Variants in ARAP2 observed in about 807,000 individuals in gnomAD.
ARAP2 encodes the protein arf-GAP with Rho-GAP domain, ANK repeat and PH domain-containing protein 2.
ARAP2 carries 148 observed loss-of-function variants against 194.5 expected under a neutral mutation model. That is an observed-to-expected ratio of 0.76 (90% CI 0.67 to 0.87). ARAP2 has a LOEUF of 0.87. Among genes scored for constraint, ARAP2 ranks in the 40% least tolerant of loss-of-function variants. The probability of loss-of-function intolerance (pLI) is 0.00; values close to 1 mark genes in which losing one functional copy is unlikely to be tolerated. For synonymous variants in ARAP2, 695 were observed against 683.5 expected (o/e 1.02, Z -0.26); for missense variants, 2,128 against 1,989.7 (o/e 1.07, Z -1.32).
At chr4:36,065,898 T>C (rs1203752414), downstream of ARAP2, 1 of 152,234 alleles carries the variant, frequency 6.6e-6, no homozygotes, top group Non-Finnish European at 1.5e-5. Flanking sequence ...CAGTTTGAAG[T>C]ATATATTAAA....
intron 2 of ARAP2, among the ~76,000 whole-genome samples, chr4:36,217,834 A>G (rs1748303495): frequency 6.6e-6 from 1 of 151,376 alleles, no homozygotes; most frequent in Non-Finnish European, 1.5e-5. Flanking sequence ...ATACTAGATA[A>G]TACTAGATAT....
At chr4:36,205,290 A>G (rs79756304) in intron 6 of ARAP2, among the ~76,000 whole-genome samples, 48,438 of 151,966 alleles carry the variant, frequency 0.32, 9,063 homozygotes, top group East Asian at 0.6. Flanking sequence ...AATCCCTAAC[A>G]CTGAAAAGTT....
At position 36,229,654 on chromosome 4, in the gene ARAP2, A is replaced by C; in HGVS notation, c.-159-9T>G. The C allele has an allele frequency of 2.1e-6, 1 of 465,890 alleles. No homozygotes were observed. Among genetic ancestry groups the C allele is most frequent in the Admixed American group, 3.7e-5 (1 of 26,834 alleles). 28.9% of individuals were successfully genotyped at this position (465,890 alleles called of 1,614,324 possible). A position where few individuals can be genotyped will look rare whatever the true frequency, so the allele number is the denominator to read the frequency against. The stretch of plus-strand genomic sequence containing the variant: ...GCTTTACCTGCTTAAGCCTAGAAAA[A>C]AATAAAAAATGATTCATTAGGCTAT... On this transcript the variant is annotated splice_polypyrimidine_tract_variant and intron_variant, in intron 1 of 32. Coordinates refer to ENST00000303965, the MANE Select transcript of ARAP2 (RefSeq NM_015230.4).
chr4:36,196,815 CTCTCT>C (rs774249363), intron 6 of ARAP2, among the ~76,000 whole-genome samples: 61 of 151,970 alleles, frequency 4.0e-4, no homozygotes, highest in Admixed American at 1.7e-3. Flanking sequence ...GCCGCACTGC[CTCTCT>C]TCTCCAGACT....
At chr4:36,116,242 A>G (rs1721277706) in intron 25 of ARAP2, among the ~76,000 whole-genome samples, 1 of 151,920 alleles carries the variant, frequency 6.6e-6, no homozygotes, top group African/African-American at 2.4e-5. Context: ...ACAAAACTTA[A>G]AATCAATATA....
At chr4:36,242,164 C>T (rs998402525) in intron 1 of ARAP2, among the ~76,000 whole-genome samples, 3 of 152,166 alleles carry the variant, frequency 2.0e-5, no homozygotes, top group Admixed American at 6.5e-5. Context: ...GACAGCGTCT[C>T]ATAGCCTCTA....
intron 17 of ARAP2, among the ~76,000 whole-genome samples, chr4:36,148,025 T>C (rs1316366974): frequency 3.3e-5 from 5 of 152,200 alleles, no homozygotes; most frequent in African/African-American, 1.2e-4. Flanking sequence ...CTTTTCAAAA[T>C]GTCAACCTTC....
At chr4:36,024,524 C>T (rs1018612911) in intron 5 of ARAP2, among the ~76,000 whole-genome samples, 5 of 152,038 alleles carry the variant, frequency 3.3e-5, no homozygotes, top group Non-Finnish European at 7.4e-5. Flanking sequence ...AATAATACAA[C>T]CAAAGATGTT....
chr4:36,180,075 C>G (rs1487675514), intron 8 of ARAP2, among the ~76,000 whole-genome samples: 1 of 152,108 alleles, frequency 6.6e-6, no homozygotes, highest in Non-Finnish European at 1.5e-5. Flanking sequence ...GAGCTCAAGA[C>G]CAGCCTGGCC....
intron 19 of ARAP2, among the ~76,000 whole-genome samples, chr4:36,140,706 G>C (rs1028789938): frequency 2.0e-5 from 3 of 151,616 alleles, no homozygotes; most frequent in African/African-American, 7.3e-5. Flanking sequence ...ACTAAACTTA[G>C]GGTGCTAATC....
At chr4:36,080,650 T>A (rs1372304880) in intron 30 of ARAP2, among the ~76,000 whole-genome samples, 1 of 152,134 alleles carries the variant, frequency 6.6e-6, no homozygotes, top group East Asian at 1.9e-4. Context: ...TATGTGCACA[T>A]CCTCATAAGA....
intron 8 of ARAP2, among the ~76,000 whole-genome samples, chr4:36,013,297 C>T (rs191751458): frequency 3.5e-4 from 54 of 152,172 alleles, no homozygotes; most frequent in Admixed American, 3.9e-4. Flanking sequence ...AACTAAATGA[C>T]GTAATACCCT....
At chr4:36,158,990 C>G in intron 14 of ARAP2, 126 bp from the exon 15 acceptor site, 2 of 893,682 alleles carry the variant, frequency 2.2e-6, no homozygotes, top group Non-Finnish European at 3.2e-6. Context: ...AGAATAATTA[C>G]AGAGATACTT....
At chr4:36,148,266 T>A (rs538291936) in intron 17 of ARAP2, 139 bp downstream of exon 17, 4 of 600,350 alleles carry the variant, frequency 6.7e-6, no homozygotes, top group Non-Finnish European at 8.4e-6. Context: ...TTTTGACTAC[T>A]TTTTTTGAAA....
At position 36,025,548 on chromosome 4, in the gene ARAP2, T is replaced by C. The variant is rs142137827; in HGVS notation, n.608-6262A>G. ...ACTGGATCTCCAGAATGTTTTTCTTTCAGAAGAGCTGAACAATCTGACATC... is the reference window on the plus strand; with the variant it reads ...ACTGGATCTCCAGAATGTTTTTCTTCCAGAAGAGCTGAACAATCTGACATC... On this transcript the variant is annotated intron_variant and non_coding_transcript_variant, in intron 5 of 12. Transcript: ENST00000503225. 4.0e-4 allele frequency among the ~76,000 whole-genome samples: 61 copies of C among 152,282 alleles called. 1 individual carries two copies. In the East Asian group the frequency reaches 0.011, roughly 26 times the overall value.
At chr4:36,036,970 C>A (rs960528738) in intron 5 of ARAP2, among the ~76,000 whole-genome samples, 9 of 151,984 alleles carry the variant, frequency 5.9e-5, no homozygotes, top group Non-Finnish European at 1.3e-4. Flanking sequence ...ATGTGATAAC[C>A]CATTGGATTA....
intron 9 of ARAP2, among the ~76,000 whole-genome samples, chr4:36,170,975 C>G (rs536399767): frequency 6.6e-6 from 1 of 152,036 alleles, no homozygotes; most frequent in South Asian, 2.1e-4. Context: ...GGTAGGGGTA[C>G]TGAATCCAAC....
chr4:36,061,874 G>A (rs1186846665), downstream of ARAP2, among the ~76,000 whole-genome samples: 3 of 152,094 alleles, frequency 2.0e-5, no homozygotes, highest in Non-Finnish European at 4.4e-5. Context: ...TCTGATTGTA[G>A]TTTTGATTTG....
At chr4:36,232,275 C>A (rs1184542603) in intron 1 of ARAP2, among the ~76,000 whole-genome samples, 10 of 152,214 alleles carry the variant, frequency 6.6e-5, no homozygotes, top group Non-Finnish European at 1.5e-4. Context: ...TGGATTACTG[C>A]AATCGTCTCT....
Sources: gnomAD v4.1 joint callset for allele counts (sites outside exome capture counted in the v4.1 genomes callset) on GRCh38, gnomAD v4.1.1 for gene constraint, MANE v1.5 for transcripts, NCBI Gene and HGNC (gene_info 2026-07-23, HGNC 2026-07-21) for gene names.